The following CALB1 variants were observed in gnomAD, a reference collection of about 807,000 sequenced individuals.
CALB1 encodes calbindin 1.
CALB1 carries 16 observed loss-of-function variants against 46.7 expected under a neutral mutation model. The ratio of observed to expected loss-of-function variants is 0.34; its 90% CI spans 0.23 to 0.52. The LOEUF (loss-of-function observed/expected upper bound fraction) is 0.52. Among genes scored for constraint, CALB1 ranks in the 20% least tolerant of loss-of-function variants. The probability of loss-of-function intolerance (pLI) is 0.95; values close to 1 mark genes in which losing one functional copy is unlikely to be tolerated. For missense variants in CALB1, 224 were observed against 300.3 expected, an observed-to-expected ratio of 0.75 and a Z score of 1.88; for synonymous variants, 90 against 112.8, an observed-to-expected ratio of 0.80 and a Z score of 1.28.
At chr8:90,080,595 C>A (rs966655127) in intron 2 of CALB1, among the ~76,000 whole-genome samples, 7 of 151,808 alleles carry the variant, frequency 4.6e-5, no homozygotes, top group Non-Finnish European at 8.8e-5. Flanking sequence ...ATATATAAGA[C>A]ATGGGGAGGG....
At chr8:90,065,326 T>A (rs985733552) in intron 6 of CALB1, among the ~76,000 whole-genome samples, 1 of 151,700 alleles carries the variant, frequency 6.6e-6, no homozygotes, top group Non-Finnish European at 1.5e-5. Context: ...TGTCACTATT[T>A]ACCATAGCAT....
chr8:90,081,963 C>G, intron 2 of CALB1, 63 bp downstream of exon 2: 3 of 1,437,410 alleles, frequency 2.1e-6, no homozygotes, highest in Non-Finnish European at 2.9e-6. Context: ...TTTGTGAAAA[C>G]ACAAGAATGT....
At chr8:90,073,471 A>G (rs536067686) in intron 3 of CALB1, among the ~76,000 whole-genome samples, 12 of 152,178 alleles carry the variant, frequency 7.9e-5, no homozygotes, top group Non-Finnish European at 1.5e-4. Context: ...AACTCACTGT[A>G]GGGTCAGCTG....
At chr8:90,081,356 A>G (rs1814728630) in intron 2 of CALB1, 1 of 302,806 alleles carries the variant, frequency 3.3e-6, no homozygotes, top group South Asian at 1.3e-4. Context: ...TTCAACAGAA[A>G]TGAAGATCTT....
At chr8:90,069,263 A>G in intron 3 of CALB1, 26 bp from the exon 4 acceptor site, 1 of 1,581,388 alleles carries the variant, frequency 6.3e-7, no homozygotes, top group Non-Finnish European at 8.7e-7. Flanking sequence ...GAAGAGAGAA[A>G]CGTGTTGTAA....
chr8:90,065,002 C>T (rs944476027), intron 6 of CALB1, among the ~76,000 whole-genome samples: 4 of 151,760 alleles, frequency 2.6e-5, no homozygotes, highest in African/African-American at 9.7e-5. Flanking sequence ...ACTCCTTCTT[C>T]AATCTAATAT....
chr8:90,063,089 C>CA lies in CALB1; in HGVS notation c.600+10dup. On this transcript the variant is annotated intron_variant, in intron 9 of 10. Transcript: ENST00000265431. The stretch of plus-strand genomic sequence containing the variant: ...CAATAAAAAAGAAAGGAAAAAGTAA[C>CA]AAACTTTTACCTGATCATACAGCTC... The CA allele has an allele frequency of 6.3e-7, 1 of 1,588,646 alleles. No individual in the cohort carries two copies. The highest frequency in any genetic ancestry group is 8.6e-7 in the Non-Finnish European group (1 of 1,164,908).
chr8:90,071,614 G>A (rs1814518929), intron 3 of CALB1, among the ~76,000 whole-genome samples: 1 of 152,034 alleles, frequency 6.6e-6, no homozygotes, highest in South Asian at 2.1e-4. Flanking sequence ...AAAGAAGAGG[G>A]AACAAAGATG....
intron 2 of CALB1, chr8:90,081,336 G>A (rs1368217077): frequency 1.3e-5 from 3 of 231,740 alleles, no homozygotes; most frequent in African/African-American, 2.3e-5. Flanking sequence ...TACCTTTTGG[G>A]TTTCTTGCTT....
In CALB1 at chr8:90,082,134, A is replaced by T. The variant is rs779665282; in HGVS notation, c.80-32T>A. 2.6e-6 allele frequency: 4 copies of T among 1,564,672 alleles called. No homozygotes were observed. The East Asian group carries it at 6.7e-5, about 26-fold the overall frequency. On this transcript the variant is annotated intron_variant, in intron 1 of 10. Transcript: ENST00000265431. ...AGACAAAGAGGCACCCAGGTGTCAG[A>T]TATCTCATTCCAAGTGTCTTTCCCG...
chr8:90,078,183 G>C (rs1199433627), intron 3 of CALB1, 190 bp downstream of exon 3: 1 of 416,498 alleles, frequency 2.4e-6, no homozygotes, highest in Non-Finnish European at 4.2e-6. Context: ...CCTGGGTTAG[G>C]AATACTCTTA....
chr8:90,073,556 G>A (rs1433076792), intron 3 of CALB1, among the ~76,000 whole-genome samples: 1 of 152,088 alleles, frequency 6.6e-6, no homozygotes, highest in Non-Finnish European at 1.5e-5. Flanking sequence ...TCTGTCCCGG[G>A]GTATTGATCC....
At chr8:90,069,606 C>T (rs1412082588) in intron 3 of CALB1, among the ~76,000 whole-genome samples, 3 of 152,154 alleles carry the variant, frequency 2.0e-5, no homozygotes, top group Admixed American at 2.0e-4. Context: ...CTCCTCTCTC[C>T]TCACAGGGTC....
At chr8:90,070,951 T>A (rs142550680) in intron 3 of CALB1, among the ~76,000 whole-genome samples, 1 of 152,134 alleles carries the variant, frequency 6.6e-6, no homozygotes, top group East Asian at 1.9e-4. Flanking sequence ...TTCCTTTGAA[T>A]ACTTGAATCA....
rs746589248 is a variant in CALB1 at position 90,060,299 on chromosome 8, T to A, written c.673-13A>T. 1.4e-6 allele frequency: 2 copies of A among 1,456,594 alleles called. No homozygotes were observed. Among genetic ancestry groups the A allele is most frequent in the East Asian group, 4.5e-5 (2 of 44,068 alleles). The allele number at this position is 1,456,594 out of a possible 1,614,324, so 90.2% of individuals were successfully genotyped here. A position where few individuals can be genotyped will look rare whatever the true frequency, so the allele number is the denominator to read the frequency against. Reference sequence around the variant, plus strand: ...TAATATCCAGATCCTGTACAGAATATAAATGGCATTGTAATCCAGTTAAAT... The same window carrying A: ...TAATATCCAGATCCTGTACAGAATAAAAATGGCATTGTAATCCAGTTAAAT... On this transcript the variant is annotated splice_polypyrimidine_tract_variant and intron_variant, in intron 10 of 10. Transcript: ENST00000265431.
chr8:90,078,425 G>T lies in CALB1; in HGVS notation c.179C>A (p.Thr60Asn). ...TCTTTGCCCATACTGATCCACAAAA[G>T]TTTTCATTTCAGGTGATAACTCCTA... is the stretch of plus-strand genomic sequence containing the variant. ...AGLELSPEMK[T>N]FVDQYGQRDD... The change falls in exon 3 of 11, where the codon ACT (threonine) becomes AAT (asparagine). Residue 60 changes from threonine (T) to asparagine (N), a missense_variant. Thr to Asn is a moderately conservative substitution (Grantham distance 65, BLOSUM62 0). Coordinates refer to ENST00000265431, the MANE Select transcript of CALB1 (RefSeq NM_004929.4). 6.3e-7 allele frequency: 1 copy of T among 1,589,172 alleles called. No homozygotes were observed. The highest frequency in any genetic ancestry group is 8.6e-7 in the Non-Finnish European group (1 of 1,164,014).
At chr8:90,065,258 C>G (rs1158902439) in intron 6 of CALB1, among the ~76,000 whole-genome samples, 2 of 151,496 alleles carry the variant, frequency 1.3e-5, no homozygotes, top group African/African-American at 4.8e-5. Flanking sequence ...ACAGTAAGTG[C>G]CTATGTGTAA....
At chr8:90,070,524 A>G (rs1222905964) in intron 3 of CALB1, among the ~76,000 whole-genome samples, 1 of 152,178 alleles carries the variant, frequency 6.6e-6, no homozygotes, top group Non-Finnish European at 1.5e-5. Context: ...CAAGGAATCT[A>G]ATTTTTCTTA....
intron 9 of CALB1, chr8:90,061,580 T>A (rs1814298381): frequency 6.6e-6 from 1 of 152,032 alleles, no homozygotes; most frequent in African/African-American, 2.4e-5. Flanking sequence ...TGATAAACTA[T>A]CTGAAATGGA....
Sources: allele counts gnomAD v4.1 joint callset (sites outside exome capture counted in the v4.1 genomes callset), GRCh38; gene constraint gnomAD v4.1.1; transcripts MANE v1.5; gene names NCBI Gene and HGNC (gene_info 2026-07-23, HGNC 2026-07-21).